Variants in SRPK2 observed in about 807,000 individuals in gnomAD.
SRPK2 encodes the protein SRSF protein kinase 2.
SRPK2 carries 21 observed loss-of-function variants against 90.8 expected under a neutral mutation model. That is an observed-to-expected ratio of 0.23 (90% confidence interval 0.16 to 0.33). The LOEUF (loss-of-function observed/expected upper bound fraction) is 0.33, where lower values mean the gene tolerates loss of function less well. Ranked by LOEUF, SRPK2 falls within the 10% of genes least tolerant of loss-of-function variation. The pLI, the probability that SRPK2 is intolerant of heterozygous loss-of-function variation, is 1.00. For missense variants in SRPK2, 620 were observed against 869.0 expected (o/e 0.71, Z 3.60); for synonymous variants, 288 against 311.1 (o/e 0.93, Z 0.78).
chr7:105,209,279 G>A (rs1176915060), intron 2 of SRPK2, among the ~76,000 whole-genome samples: 1 of 152,138 alleles, frequency 6.6e-6, no homozygotes, highest in East Asian at 1.9e-4. Context: ...GCCGGGTGCA[G>A]TGGCCCCCAC....
At chr7:105,245,619 A>C (rs1801544374) in intron 2 of SRPK2, among the ~76,000 whole-genome samples, 1 of 152,160 alleles carries the variant, frequency 6.6e-6, no homozygotes, top group Non-Finnish European at 1.5e-5. Flanking sequence ...GGACTCCTGC[A>C]AAGAAACCGG....
At chr7:105,395,860 A>G (rs1822306929) in intron 1 of SRPK2, among the ~76,000 whole-genome samples, 1 of 152,162 alleles carries the variant, frequency 6.6e-6, no homozygotes, top group Non-Finnish European at 1.5e-5. Flanking sequence ...AAGTATACCA[A>G]ATTAATTATC....
At chr7:105,126,728 C>T (rs1054804784) in intron 14 of SRPK2, among the ~76,000 whole-genome samples, 6 of 152,210 alleles carry the variant, frequency 3.9e-5, no homozygotes, top group Non-Finnish European at 7.3e-5. Flanking sequence ...CTTCTCTCAG[C>T]CAGCTGGGTT....
At chr7:105,239,923 T>C (rs1800594001) in intron 2 of SRPK2, among the ~76,000 whole-genome samples, 1 of 152,214 alleles carries the variant, frequency 6.6e-6, no homozygotes, top group African/African-American at 2.4e-5. Flanking sequence ...AAATACTCTA[T>C]TTTAAAGATG....
rs143408236 is a variant in SRPK2, at chr7:105,116,615, C to A, written c.*1223G>T. 1 of 152,706 alleles carries A rather than the reference C, an allele frequency of 6.5e-6. No individual in the cohort carries two copies. The highest frequency in any genetic ancestry group is 2.4e-5 in the African/African-American group (1 of 41,564). 9.5% of individuals were successfully genotyped at this position (152,706 alleles called of 1,614,324 possible). A position where few individuals can be genotyped will look rare whatever the true frequency, so the allele number is the denominator to read the frequency against. On this transcript the variant is annotated 3_prime_UTR_variant, in exon 16 of 16. Coordinates refer to ENST00000393651, the MANE Select transcript of SRPK2 (RefSeq NM_182692.3). ...TAAATATACCTCTATATATTACATT[C>A]TAAAATTGTATTGCCTACTATGGTT...
At chr7:105,126,477 A>G in intron 14 of SRPK2, 137 bp from the exon 15 acceptor site, 2 of 679,384 alleles carry the variant, frequency 2.9e-6, no homozygotes, top group South Asian at 1.9e-5. Context: ...ACATCCATGC[A>G]GAGGCTTGTG....
chr7:105,145,938 T>C (rs1422998710), intron 8 of SRPK2, among the ~76,000 whole-genome samples: 3 of 152,068 alleles, frequency 2.0e-5, no homozygotes, highest in Non-Finnish European at 4.4e-5. Context: ...AAGGCACAGA[T>C]CATGGTGTCG....
At chr7:105,306,558 A>G (rs544556812) in intron 2 of SRPK2, 4 of 442,482 alleles carry the variant, frequency 9.0e-6, no homozygotes, top group African/African-American at 8.1e-5. Flanking sequence ...TTGAAGCAGC[A>G]GGATGTACTC....
chr7:105,194,065 T>A (rs571485507), intron 3 of SRPK2, among the ~76,000 whole-genome samples: 10 of 152,300 alleles, frequency 6.6e-5, no homozygotes, highest in African/African-American at 2.4e-4. Context: ...TTTAAAAATG[T>A]CTTTTAATCA....
intron 2 of SRPK2, among the ~76,000 whole-genome samples, chr7:105,276,548 G>T (rs1343619887): frequency 6.6e-6 from 1 of 151,428 alleles, no homozygotes; most frequent in African/African-American, 2.4e-5. Context: ...GACCAGCCTG[G>T]GCAACATAGT....
intron 2 of SRPK2, among the ~76,000 whole-genome samples, chr7:105,288,291 A>G (rs1563196265): frequency 6.6e-6 from 1 of 152,132 alleles, no homozygotes; most frequent in Non-Finnish European, 1.5e-5. Context: ...AAATAAATAA[A>G]TAAGTAAGTA....
chr7:105,118,031 G>A lies in SRPK2; in HGVS notation c.1916-9C>T, dbSNP rs1799803417. 6.2e-7 allele frequency: 1 copy of A among 1,609,438 alleles called. No individual in the cohort carries two copies. Among genetic ancestry groups the A allele is most frequent in the African/African-American group, 1.3e-5 (1 of 74,612 alleles). On this transcript the variant is annotated splice_polypyrimidine_tract_variant and intron_variant, in intron 15 of 15. Coordinates refer to ENST00000393651, the MANE Select transcript of SRPK2 (RefSeq NM_182692.3). ...GATGTGTCGCAGTTCTCCTACAGGG[G>A]AAAAAACAGGCCAATGTCAAGAAAG... is the stretch of plus-strand genomic sequence containing the variant.
chr7:105,353,285 T>C (rs1028189488), intron 2 of SRPK2, among the ~76,000 whole-genome samples: 2 of 152,184 alleles, frequency 1.3e-5, no homozygotes, highest in African/African-American at 4.8e-5. Context: ...CCTCAGTTCC[T>C]CATCTGTAAA....
intron 3 of SRPK2, among the ~76,000 whole-genome samples, chr7:105,173,952 A>G (rs1791489107): frequency 1.3e-5 from 2 of 151,094 alleles, no homozygotes; most frequent in Non-Finnish European, 3.0e-5. Flanking sequence ...CTGCTTAAAA[A>G]AACAAATCTT....
intron 2 of SRPK2, among the ~76,000 whole-genome samples, chr7:105,349,399 G>GT (rs1350591283): frequency 6.6e-6 from 1 of 150,926 alleles, no homozygotes; most frequent in African/African-American, 2.4e-5. Flanking sequence ...GCGCATGCCT[G>GT]TAATCCCAGC....
At chr7:105,147,968 C>G (rs1804910707) in intron 7 of SRPK2, among the ~76,000 whole-genome samples, 1 of 152,152 alleles carries the variant, frequency 6.6e-6, no homozygotes, top group African/African-American at 2.4e-5. Flanking sequence ...GCTATTCACA[C>G]TCGTGTATAC....
At chr7:105,280,474 T>C (rs1807121303) in intron 2 of SRPK2, among the ~76,000 whole-genome samples, 1 of 151,932 alleles carries the variant, frequency 6.6e-6, no homozygotes, top group Non-Finnish European at 1.5e-5. Flanking sequence ...TTATTATTAT[T>C]TGCAATTTTT....
chr7:105,328,865 CAAA>C (rs527900668), intron 2 of SRPK2, among the ~76,000 whole-genome samples: 4 of 64,210 alleles, frequency 6.2e-5, no homozygotes, highest in Admixed American at 1.8e-4. Context: ...ACTCTGTCTC[CAAA>C]AAAAAAAAAA....
chr7:105,224,551 A>G (rs2129617666), intron 2 of SRPK2, among the ~76,000 whole-genome samples: 1 of 152,224 alleles, frequency 6.6e-6, no homozygotes, highest in Admixed American at 6.5e-5. Context: ...GGAGGTGGCA[A>G]TGAGCTGAGA....
Sources: allele counts gnomAD v4.1 joint callset (sites outside exome capture counted in the v4.1 genomes callset), GRCh38; gene constraint gnomAD v4.1.1; transcripts MANE v1.5; gene names NCBI Gene and HGNC (gene_info 2026-07-23, HGNC 2026-07-21).